MACROD2: variants seen among roughly 807,000 people sequenced by gnomAD.
MACROD2 encodes ADP-ribose glycohydrolase MACROD2.
MACROD2 carries 36 observed loss-of-function variants against 70.4 expected under a neutral mutation model. The observed-to-expected ratio is 0.51, with a 90% CI of 0.39 to 0.68. The LOEUF is 0.68. MACROD2 is among the 30% of genes least tolerant of loss of function. MACROD2 has a pLI of 0.00. For synonymous variants in MACROD2, 172 were observed against 178.8 expected, an observed-to-expected ratio of 0.96 and a Z score of 0.30; for missense variants, 496 against 538.4, an observed-to-expected ratio of 0.92 and a Z score of 0.78.
intron 8 of MACROD2, among the ~76,000 whole-genome samples, chr20:15,790,944 C>A (rs1346961446): frequency 6.6e-6 from 1 of 151,820 alleles, no homozygotes; most frequent in Non-Finnish European, 1.5e-5. Context: ...ATTATGTTAT[C>A]ATTAATTTCA....
intron 3 of MACROD2, among the ~76,000 whole-genome samples, chr20:14,093,680 A>C (rs75309156): frequency 2.3e-4 from 31 of 133,504 alleles, no homozygotes; most frequent in Admixed American, 8.3e-4. Context: ...AAAAAAAAAA[A>C]CCCCAAAAAT....
intron 8 of MACROD2, among the ~76,000 whole-genome samples, chr20:15,851,094 G>A (rs2064293130): frequency 6.6e-6 from 1 of 152,026 alleles, no homozygotes; most frequent in Non-Finnish European, 1.5e-5. Flanking sequence ...CAAAAATAGA[G>A]CGTTATTGTC....
rs111291550 is a variant in MACROD2 at position 14,793,391 on chromosome 20, A to G, written c.418+108432A>G. The stretch of plus-strand genomic sequence containing the variant: ...AATTTATGAGATGCCTAACATAAAA[A>G]CTCTCCAACTTATTCATTACATAGA... On this transcript the variant is annotated intron_variant, in intron 5 of 17. Coordinates refer to ENST00000684519, the MANE Select transcript of MACROD2 (RefSeq NM_001351661.2). 4.4e-3 allele frequency among the ~76,000 whole-genome samples: 664 copies of G among 150,932 alleles called. 8 individuals carry two copies. Among genetic ancestry groups the G allele is most frequent in the African/African-American group, 0.015 (622 of 41,016 alleles).
chr20:14,644,948 A>C (rs1362093306), intron 4 of MACROD2, among the ~76,000 whole-genome samples: 8 of 152,196 alleles, frequency 5.3e-5, no homozygotes, highest in Non-Finnish European at 2.9e-5. Context: ...TGATGACTAC[A>C]GGATACTACA....
intron 5 of MACROD2, among the ~76,000 whole-genome samples, chr20:14,991,012 T>A (rs1348613133): frequency 1.3e-5 from 2 of 152,206 alleles, no homozygotes. Flanking sequence ...TGAGACTGTC[T>A]CTTTTTCAAC....
At chr20:15,197,960 CTTTTT>C (rs56284199) in intron 5 of MACROD2, among the ~76,000 whole-genome samples, 4 of 118,694 alleles carry the variant, frequency 3.4e-5, no homozygotes, top group Non-Finnish European at 3.3e-5. Context: ...GCCTGGCCTC[CTTTTT>C]TTTTTTTTTT....
At chr20:15,927,000 G>A (rs958628757) in intron 10 of MACROD2, among the ~76,000 whole-genome samples, 6 of 152,094 alleles carry the variant, frequency 3.9e-5, no homozygotes, top group Admixed American at 6.6e-5. Flanking sequence ...AGGATAGAGG[G>A]GATGGAGGAT....
intron 8 of MACROD2, among the ~76,000 whole-genome samples, chr20:15,557,839 T>C (rs552559855): frequency 3.1e-4 from 47 of 152,306 alleles, no homozygotes; most frequent in Non-Finnish European, 5.1e-4. Flanking sequence ...ATTACCATTG[T>C]CGGGCAATCT....
At chr20:15,781,244 A>C (rs1356432430) in intron 8 of MACROD2, among the ~76,000 whole-genome samples, 1 of 152,148 alleles carries the variant, frequency 6.6e-6, no homozygotes, top group Non-Finnish European at 1.5e-5. Flanking sequence ...AAAAGCAAGC[A>C]TTTACCTTTA....
intron 13 of MACROD2, among the ~76,000 whole-genome samples, chr20:15,970,126 A>G (rs1248459213): frequency 1.3e-5 from 2 of 152,056 alleles, no homozygotes; most frequent in Non-Finnish European, 2.9e-5. Flanking sequence ...ACCCAGGGGG[A>G]AAAGTATGTT....
chr20:15,985,758 A>T (rs2066472485), intron 13 of MACROD2: 1 of 152,258 alleles, frequency 6.6e-6, no homozygotes, highest in Non-Finnish European at 1.5e-5. Context: ...CCGTCAGGGA[A>T]CCAAGAAACG....
intron 3 of MACROD2, among the ~76,000 whole-genome samples, chr20:14,131,803 C>G (rs928269388): frequency 2.0e-5 from 3 of 152,092 alleles, no homozygotes; most frequent in African/African-American, 7.2e-5. Context: ...ATATAGCTCA[C>G]TGCAGCCTTT....
intron 8 of MACROD2, among the ~76,000 whole-genome samples, chr20:15,636,615 C>A (rs2049373623): frequency 1.3e-5 from 2 of 152,118 alleles, no homozygotes; most frequent in African/African-American, 4.8e-5. Context: ...CAAAGTGCAT[C>A]ATTAGCTGGG....
chr20:15,230,662 A>T (rs2076952309), intron 6 of MACROD2, among the ~76,000 whole-genome samples: 1 of 152,142 alleles, frequency 6.6e-6, no homozygotes, highest in Non-Finnish European at 1.5e-5. Context: ...TTTTATCAGT[A>T]GACAAAGGGA....
At chr20:15,592,203 C>T (rs1202373263) in intron 8 of MACROD2, among the ~76,000 whole-genome samples, 1 of 152,180 alleles carries the variant, frequency 6.6e-6, no homozygotes, top group Non-Finnish European at 1.5e-5. Flanking sequence ...TAGCTGAAAA[C>T]TAAATGAGAC....
chr20:14,339,535 A>T (rs1250456829), intron 3 of MACROD2, among the ~76,000 whole-genome samples: 1 of 152,224 alleles, frequency 6.6e-6, no homozygotes, highest in Non-Finnish European at 1.5e-5. Context: ...ATATTTAATC[A>T]GTTTCGTCTT....
intron 8 of MACROD2, among the ~76,000 whole-genome samples, chr20:15,653,419 A>G (rs1322771750): frequency 6.6e-6 from 1 of 152,228 alleles, no homozygotes; most frequent in Non-Finnish European, 1.5e-5. Flanking sequence ...CGTGCAGTAG[A>G]TGAATATTTT....
chr20:15,818,471 G>A (rs973911322), intron 8 of MACROD2, among the ~76,000 whole-genome samples: 2 of 152,142 alleles, frequency 1.3e-5, no homozygotes, highest in African/African-American at 2.4e-5. Flanking sequence ...GGATGCTAAT[G>A]TATTCGAATT....
At chr20:14,524,702 A>G (rs1255308634) in intron 4 of MACROD2, among the ~76,000 whole-genome samples, 1 of 152,110 alleles carries the variant, frequency 6.6e-6, no homozygotes, top group Non-Finnish European at 1.5e-5. Flanking sequence ...CTAAGAGGGA[A>G]AGGGAGAGCA....
Sources: gnomAD v4.1 joint callset for allele counts (sites outside exome capture counted in the v4.1 genomes callset) on GRCh38, gnomAD v4.1.1 for gene constraint, MANE v1.5 for transcripts, NCBI Gene and HGNC (gene_info 2026-07-23, HGNC 2026-07-21) for gene names.